Variants in PPFIBP1 observed in about 807,000 individuals in gnomAD.
PPFIBP1 encodes the protein PPFIB scaffold protein 1, also known as liprin-beta-1.
A neutral mutation model predicts 137.8 loss-of-function variants in PPFIBP1; 112 were observed. The observed-to-expected ratio is 0.81, with a 90% confidence interval of 0.70 to 0.95. The LOEUF (loss-of-function observed/expected upper bound fraction) is 0.95. Among genes scored for constraint, PPFIBP1 ranks in the 40% least tolerant of loss-of-function variants. PPFIBP1 has a pLI of 0.00. For synonymous variants in PPFIBP1, 378 were observed against 417.3 expected (o/e 0.91, Z 1.15); for missense variants, 1,083 against 1,196.6 (o/e 0.91, Z 1.40).
intron 2 of PPFIBP1, among the ~76,000 whole-genome samples, chr12:27,626,451 G>A (rs2056824407): frequency 6.6e-6 from 1 of 152,168 alleles, no homozygotes; most frequent in South Asian, 2.1e-4. Context: ...CAGTGTGTGT[G>A]AGTCTAGTGA....
At chr12:27,565,337 C>G (rs986032946) in intron 1 of PPFIBP1, among the ~76,000 whole-genome samples, 1 of 152,204 alleles carries the variant, frequency 6.6e-6, no homozygotes, top group Non-Finnish European at 1.5e-5. Flanking sequence ...CTTCTGTTTT[C>G]TCTAGAAAAA....
chr12:27,628,228 T>C (rs2056990849), intron 2 of PPFIBP1, among the ~76,000 whole-genome samples: 1 of 152,166 alleles, frequency 6.6e-6, no homozygotes, highest in Non-Finnish European at 1.5e-5. Flanking sequence ...TCACCCAGGC[T>C]AGAGTGCAGT....
intron 1 of PPFIBP1, among the ~76,000 whole-genome samples, chr12:27,557,435 C>A (rs1394673752): frequency 6.6e-6 from 1 of 152,038 alleles, no homozygotes; most frequent in African/African-American, 2.4e-5. Context: ...TGGGGTTTCA[C>A]CATGTTAGCC....
intron 21 of PPFIBP1, among the ~76,000 whole-genome samples, chr12:27,680,616 A>G (rs1025363775): frequency 6.6e-6 from 1 of 152,352 alleles, no homozygotes; most frequent in Non-Finnish European, 1.5e-5. Context: ...AACAGAATCT[A>G]TGAAAGCACT....
At chr12:27,543,271 A>G (rs1425611085) in intron 1 of PPFIBP1, among the ~76,000 whole-genome samples, 1 of 152,262 alleles carries the variant, frequency 6.6e-6, no homozygotes, top group African/African-American at 2.4e-5. Flanking sequence ...ACTTTAATTT[A>G]GAATTATAAT....
chr12:27,534,155 A>G (rs1031210931), intron 1 of PPFIBP1, among the ~76,000 whole-genome samples: 4 of 152,164 alleles, frequency 2.6e-5, no homozygotes, highest in African/African-American at 9.7e-5. Flanking sequence ...AGAAAAAGGG[A>G]GGAAGGAATG....
intron 12 of PPFIBP1, among the ~76,000 whole-genome samples, chr12:27,664,702 A>G (rs2059754211): frequency 6.6e-6 from 1 of 152,194 alleles, no homozygotes; most frequent in African/African-American, 2.4e-5. Flanking sequence ...GAGAAAAACG[A>G]CAGTATATGC....
intron 2 of PPFIBP1, among the ~76,000 whole-genome samples, chr12:27,624,588 T>C (rs2056644905): frequency 6.6e-6 from 1 of 152,266 alleles, no homozygotes; most frequent in Non-Finnish European, 1.5e-5. Context: ...GCTGCTTCAT[T>C]TACTTGATTA....
chr12:27,527,783 A>G (rs1280812501), intron 1 of PPFIBP1, among the ~76,000 whole-genome samples: 1 of 152,126 alleles, frequency 6.6e-6, no homozygotes, highest in African/African-American at 2.4e-5. Context: ...AAAAAAAAAA[A>G]TCACAGTTGA....
chr12:27,535,990 GAGAA>G lies in PPFIBP1; in HGVS notation c.-124+11629_-124+11632del, dbSNP rs1323851100. On this transcript the variant is annotated intron_variant, in intron 1 of 29. Transcript: ENST00000228425. ...GTTGGCTAATATGGTTAAGTAACAT[GAGAA>G]AGAGATAAAACGCTAAGCCTCCTTG... Among the ~76,000 whole-genome samples the G allele has an allele frequency of 1.1e-4, 16 of 152,324 alleles. No individual in the cohort carries two copies. In the Middle Eastern group the frequency reaches 0.014, roughly 130 times the overall value.
intron 1 of PPFIBP1, among the ~76,000 whole-genome samples, chr12:27,573,035 A>G (rs16932201): frequency 0.016 from 2,495 of 152,262 alleles, 66 homozygotes; most frequent in African/African-American, 0.057. Flanking sequence ...CTTGGAATGC[A>G]GATGTTTATT....
intron 8 of PPFIBP1, among the ~76,000 whole-genome samples, chr12:27,656,102 A>T (rs903162484): frequency 1.3e-5 from 2 of 152,202 alleles, no homozygotes; most frequent in Admixed American, 1.3e-4. Flanking sequence ...AGGGTGAATT[A>T]TTTAGTTCCC....
At chr12:27,527,340 C>T (rs989354971) in intron 1 of PPFIBP1, among the ~76,000 whole-genome samples, 4 of 151,858 alleles carry the variant, frequency 2.6e-5, no homozygotes, top group African/African-American at 9.7e-5. Context: ...CCTCTGCCTC[C>T]CAGGTTCAAA....
At chr12:27,583,216 G>A (rs1321107125) in intron 2 of PPFIBP1, among the ~76,000 whole-genome samples, 2 of 152,098 alleles carry the variant, frequency 1.3e-5, no homozygotes, top group African/African-American at 2.4e-5. Context: ...CTTGGATGAC[G>A]GCTTTGTTCA....
chr12:27,679,941 G>T lies in PPFIBP1; in HGVS notation c.1775G>T (p.Arg592Ile), dbSNP rs2140344193. The T allele has an allele frequency of 6.2e-7, 1 of 1,614,072 alleles. No individual in the cohort carries two copies. Among genetic ancestry groups the T allele is most frequent in the South Asian group, 1.1e-5 (1 of 91,068 alleles). ...TGTGTTGTCTTCTTTAGACTTAGGA[G>T]AAGTCAATCAACTACATTCAACCCA... The part of the protein sequence containing the change: ...GIMKLFGKLR[R>I]SQSTTFNPDD... Residue 592 changes from arginine (R) to isoleucine (I), a missense_variant, in exon 21 of 30, where the codon AGA becomes ATA. Transcript: ENST00000228425.
intron 1 of PPFIBP1, among the ~76,000 whole-genome samples, chr12:27,574,195 G>T (rs1742281013): frequency 6.6e-6 from 1 of 152,150 alleles, no homozygotes; most frequent in Non-Finnish European, 1.5e-5. Flanking sequence ...GGGTGATTCA[G>T]CAAGGGGACA....
intron 1 of PPFIBP1, 136 bp downstream of exon 1, chr12:27,524,501 CG>C (rs975753710): frequency 6.0e-5 from 8 of 132,850 alleles, no homozygotes; most frequent in African/African-American, 2.2e-4. Context: ...CCAATGGGAA[CG>C]GGCACTTTTT....
At chr12:27,551,028 G>A (rs911971426) in intron 1 of PPFIBP1, among the ~76,000 whole-genome samples, 1 of 149,148 alleles carries the variant, frequency 6.7e-6, no homozygotes, top group African/African-American at 2.5e-5. Flanking sequence ...ACTGAGATAG[G>A]TACTCTTATT....
chr12:27,590,840 G>A (rs942949217), intron 2 of PPFIBP1, among the ~76,000 whole-genome samples: 1 of 152,148 alleles, frequency 6.6e-6, no homozygotes, highest in African/African-American at 2.4e-5. Context: ...GAAAGGCAAG[G>A]CATGGCAGAT....
Sources: gnomAD v4.1 joint callset for allele counts (sites outside exome capture counted in the v4.1 genomes callset) on GRCh38, gnomAD v4.1.1 for gene constraint, MANE v1.5 for transcripts, NCBI Gene and HGNC (gene_info 2026-07-23, HGNC 2026-07-21) for gene names.